The following C1QTNF3 variants were observed in gnomAD, a reference collection of about 807,000 sequenced individuals.
C1QTNF3 encodes C1q and TNF related 3.
In C1QTNF3, 26 loss-of-function variants were observed where a neutral mutation model predicts 32.6. The observed-to-expected ratio is 0.80, with a 90% confidence interval of 0.58 to 1.11. The LOEUF is 1.11. Among genes scored for constraint, C1QTNF3 ranks in the 50% least tolerant of loss-of-function variants. The probability of loss-of-function intolerance (pLI) is 0.00; values close to 1 mark genes in which losing one functional copy is unlikely to be tolerated. For synonymous variants in C1QTNF3, 155 were observed against 146.0 expected, an observed-to-expected ratio of 1.06 and a Z score of -0.44; for missense variants, 362 against 398.2, an observed-to-expected ratio of 0.91 and a Z score of 0.77.
chr5:34,068,081 A>C, the C1QTNF3 span, among the ~76,000 whole-genome samples: 1 of 152,134 alleles, frequency 6.6e-6, no homozygotes, highest in Non-Finnish European at 1.5e-5. Context: ...AAGACGATTT[A>C]GTTTATTCTG....
the C1QTNF3 span, among the ~76,000 whole-genome samples, chr5:34,220,356 T>C: frequency 1.3e-5 from 2 of 152,108 alleles, no homozygotes; most frequent in African/African-American, 2.4e-5. Flanking sequence ...AGACTATTTA[T>C]ACTCAAAGGT....
At chr5:34,131,814 T>C in the C1QTNF3 span, among the ~76,000 whole-genome samples, 3 of 152,198 alleles carry the variant, frequency 2.0e-5, no homozygotes, top group Non-Finnish European at 2.9e-5. Context: ...TTTGACATGA[T>C]GGATATGTGA....
chr5:34,175,582 A>G, the C1QTNF3 span: 1 of 406,782 alleles, frequency 2.5e-6, no homozygotes, highest in Non-Finnish European at 4.6e-6. Flanking sequence ...TTTCCATCTC[A>G]CTATAGCAGA....
the C1QTNF3 span, among the ~76,000 whole-genome samples, chr5:34,173,069 T>C: frequency 1.3e-5 from 2 of 152,190 alleles, no homozygotes; most frequent in Admixed American, 6.5e-5. Context: ...TATGAAAATA[T>C]CAATAATTTT....
chr5:34,080,353 C>T, the C1QTNF3 span, among the ~76,000 whole-genome samples: 1 of 151,650 alleles, frequency 6.6e-6, no homozygotes, highest in African/African-American at 2.4e-5. Flanking sequence ...AATTGTTTTG[C>T]CCAAGATCGA....
chr5:34,083,451 G>A, the C1QTNF3 span, among the ~76,000 whole-genome samples: 1 of 150,476 alleles, frequency 6.6e-6, no homozygotes, highest in African/African-American at 2.5e-5. Flanking sequence ...AGCTTAAATC[G>A]AAAGCAAAAT....
At chr5:34,132,803 T>G in the C1QTNF3 span, among the ~76,000 whole-genome samples, 7 of 152,184 alleles carry the variant, frequency 4.6e-5, no homozygotes, top group African/African-American at 1.7e-4. Flanking sequence ...TCCCTGGATA[T>G]GGGCTCTGTA....
the C1QTNF3 span, among the ~76,000 whole-genome samples, chr5:34,176,914 T>G: frequency 1.3e-5 from 2 of 151,412 alleles, no homozygotes; most frequent in Admixed American, 6.6e-5. Context: ...TAAACCAGGC[T>G]GGGCATGGTA....
At chr5:34,095,793 C>T in the C1QTNF3 span, among the ~76,000 whole-genome samples, 1 of 151,908 alleles carries the variant, frequency 6.6e-6, no homozygotes, top group African/African-American at 2.4e-5. Flanking sequence ...AAGATATATA[C>T]GAATAAACAC....
intron 3 of C1QTNF3, among the ~76,000 whole-genome samples, chr5:34,030,907 G>T (rs1044793697): frequency 1.3e-5 from 2 of 152,104 alleles, no homozygotes; most frequent in Admixed American, 6.6e-5. Flanking sequence ...ATATAGAGGG[G>T]AACAACACAC....
At chr5:34,064,930 G>GT in the C1QTNF3 span, among the ~76,000 whole-genome samples, 873 of 151,976 alleles carry the variant, frequency 5.7e-3, 12 homozygotes, top group African/African-American at 0.02. Flanking sequence ...GGATTTAAGT[G>GT]TAAGACTCCA....
the C1QTNF3 span, among the ~76,000 whole-genome samples, chr5:34,120,736 T>G: frequency 6.6e-6 from 1 of 152,198 alleles, no homozygotes; most frequent in Non-Finnish European, 1.5e-5. Context: ...CCTTTCACCT[T>G]CCACCATCAT....
chr5:34,201,002 C>T, the C1QTNF3 span: 10 of 152,118 alleles, frequency 6.6e-5, no homozygotes, highest in Non-Finnish European at 1.2e-4. Flanking sequence ...TGGCAAGAAT[C>T]TCTTTGTCTT....
chr5:34,213,818 TTTTTGTGTG>T, the C1QTNF3 span, among the ~76,000 whole-genome samples: 56 of 9,112 alleles, frequency 6.1e-3, 5 homozygotes, highest in South Asian at 0.022. Context: ...TATTTTTTTT[TTTTTGTGTG>T]TGTGATGGAG....
the C1QTNF3 span, among the ~76,000 whole-genome samples, chr5:34,069,471 G>T: frequency 3.5e-4 from 53 of 152,146 alleles, no homozygotes; most frequent in African/African-American, 1.3e-3. Flanking sequence ...CATAATAGGG[G>T]CTACATAAAC....
At chr5:34,056,477 TATAGAGAG>T in the C1QTNF3 span, among the ~76,000 whole-genome samples, 1,899 of 86,826 alleles carry the variant, frequency 0.022, 6 homozygotes, top group Non-Finnish European at 0.032. Flanking sequence ...TATATATATA[TATAGAGAG>T]AGAGAGAGAG....
upstream of C1QTNF3, among the ~76,000 whole-genome samples, chr5:34,047,827 A>T (rs183773265): frequency 2.7e-3 from 417 of 152,304 alleles, 1 homozygote; most frequent in African/African-American, 9.1e-3. Context: ...TTGAAGAAGA[A>T]GTTTTAAAAA....
chr5:34,020,771 T>C (rs377052644), intron 5 of C1QTNF3, 29 bp from the exon 6 acceptor site: 10 of 1,601,776 alleles, frequency 6.2e-6, no homozygotes, highest in Non-Finnish European at 8.5e-6. Flanking sequence ...ACAAACTACT[T>C]AGTTTTTGCC....
the C1QTNF3 span, among the ~76,000 whole-genome samples, chr5:34,093,540 GAGGC>G: frequency 8.1e-6 from 1 of 122,806 alleles, no homozygotes; most frequent in Non-Finnish European, 1.7e-5. Context: ...ACCAGTGATA[GAGGC>G]AGGAGGCAAA....
Sources: gnomAD v4.1 joint callset for allele counts (sites outside exome capture counted in the v4.1 genomes callset) on GRCh38, gnomAD v4.1.1 for gene constraint, MANE v1.5 for transcripts, NCBI Gene and HGNC (gene_info 2026-07-23, HGNC 2026-07-21) for gene names.